Variants in NUDT3 observed in about 807,000 individuals in gnomAD.
NUDT3 encodes diphosphoinositol polyphosphate phosphohydrolase 1.
NUDT3 carries 9 observed loss-of-function variants against 23.6 expected under a neutral mutation model. The ratio of observed to expected loss-of-function variants is 0.38; its 90% CI spans 0.23 to 0.66. The LOEUF (loss-of-function observed/expected upper bound fraction) is 0.66. NUDT3 is among the 30% of genes least tolerant of loss of function. The pLI, the probability that NUDT3 is intolerant of heterozygous loss-of-function variation, is 0.52. For synonymous variants in NUDT3, 86 were observed against 82.6 expected, an observed-to-expected ratio of 1.04 and a Z score of -0.22; for missense variants, 172 against 218.5, an observed-to-expected ratio of 0.79 and a Z score of 1.34.
intron 1 of NUDT3, among the ~76,000 whole-genome samples, chr6:34,389,164 G>T (rs944712737): frequency 2.6e-5 from 4 of 152,206 alleles, no homozygotes; most frequent in Admixed American, 2.6e-4. Flanking sequence ...CCTGTGGAGG[G>T]AGGGAACCTG....
rs1763325563 is a variant in NUDT3, at chr6:34,285,630, G to C, written c.*3123C>G. ...TGTCAGTGAAATATTCTGCAAACAGGGTAGCTTTTGTGCTTTCTTTTGATT... is the reference window on the plus strand; with the variant it reads ...TGTCAGTGAAATATTCTGCAAACAGCGTAGCTTTTGTGCTTTCTTTTGATT... On this transcript the variant is annotated 3_prime_UTR_variant, in exon 5 of 5. Coordinates refer to ENST00000607016, the MANE Select transcript of NUDT3 (RefSeq NM_006703.4). The C allele has an allele frequency of 6.6e-6, 1 of 152,156 alleles. No homozygotes were observed. The highest frequency in any genetic ancestry group is 2.4e-5 in the African/African-American group (1 of 41,426). The allele number at this position is 152,156 out of a possible 1,614,324, so 9.4% of individuals were successfully genotyped here.
chr6:34,324,747 G>C (rs1273502953), intron 2 of NUDT3, among the ~76,000 whole-genome samples: 1 of 152,128 alleles, frequency 6.6e-6, no homozygotes, highest in Non-Finnish European at 1.5e-5. Flanking sequence ...GAATGACAGA[G>C]CCACTAAAAA....
chr6:34,293,664 G>C, intron 3 of NUDT3, 129 bp from the exon 4 acceptor site: 1 of 1,056,002 alleles, frequency 9.5e-7, no homozygotes. Context: ...TACTTTTTAT[G>C]GTCCTACAGT....
chr6:34,319,535 T>C (rs77190418), intron 2 of NUDT3, among the ~76,000 whole-genome samples: 14,569 of 152,240 alleles, frequency 0.096, 801 homozygotes, highest in Non-Finnish European at 0.12. Flanking sequence ...GGGTGTGCTG[T>C]TCTCTAGGAA....
At chr6:34,310,648 C>A (rs576973269) in intron 2 of NUDT3, among the ~76,000 whole-genome samples, 1 of 152,190 alleles carries the variant, frequency 6.6e-6, no homozygotes. Flanking sequence ...TACACCAATT[C>A]TCTACAATTT....
At chr6:34,382,438 A>G (rs1765035804) in intron 1 of NUDT3, among the ~76,000 whole-genome samples, 1 of 152,050 alleles carries the variant, frequency 6.6e-6, no homozygotes. Context: ...GTATAAGCAC[A>G]ATGTAACTTC....
At chr6:34,348,581 T>C (rs989709442) in intron 1 of NUDT3, among the ~76,000 whole-genome samples, 3 of 151,720 alleles carry the variant, frequency 2.0e-5, no homozygotes, top group African/African-American at 7.3e-5. Context: ...ATCGAGACCA[T>C]CCTGGCTAAC....
chr6:34,381,811 A>G (rs989817910), intron 1 of NUDT3, among the ~76,000 whole-genome samples: 5 of 152,226 alleles, frequency 3.3e-5, no homozygotes, highest in African/African-American at 1.2e-4. Flanking sequence ...ACGGTGGCTC[A>G]CACCTGTAAT....
At position 34,281,660 on chromosome 6, in the gene NUDT3, G is replaced by A. The variant is rs975580315; in HGVS notation, c.*7093C>T. 1 of 152,194 alleles carries A rather than the reference G, an allele frequency of 6.6e-6. No homozygotes were observed. Among genetic ancestry groups the A allele is most frequent in the Non-Finnish European group, 1.5e-5 (1 of 68,040 alleles). 9.4% of individuals were successfully genotyped at this position (152,194 alleles called of 1,614,324 possible). ...TTTCTAACTACTAATGCAACACCAT[G>A]CCACTGGGCCCTGGACTCTGATGTT... On this transcript the variant is annotated 3_prime_UTR_variant, in exon 5 of 5. Transcript: ENST00000607016.
At chr6:34,312,941 T>C (rs561886406) in intron 2 of NUDT3, among the ~76,000 whole-genome samples, 2 of 151,780 alleles carry the variant, frequency 1.3e-5, no homozygotes, top group Non-Finnish European at 2.9e-5. Context: ...CTGAGGTGGG[T>C]GGATCACCTG....
At position 34,354,367 on chromosome 6, in the gene NUDT3, G is replaced by A. The variant is rs1415136863; in HGVS notation, c.100-12395C>T. ...TCCTATGAACAGCCATTGCACTCCA[G>A]CTGGGCAGTATAGTGAGATTTCATT... is the stretch of plus-strand genomic sequence containing the variant. On this transcript the variant is annotated intron_variant, in intron 1 of 4. Coordinates refer to ENST00000607016, the MANE Select transcript of NUDT3 (RefSeq NM_006703.4). Among the ~76,000 whole-genome samples the A allele has an allele frequency of 2.7e-5, 4 of 149,484 alleles. No individual in the cohort carries two copies. In the East Asian group the frequency reaches 7.8e-4, roughly 29 times the overall value.
chr6:34,384,239 G>C (rs1005491288), intron 1 of NUDT3, among the ~76,000 whole-genome samples: 18 of 152,204 alleles, frequency 1.2e-4, no homozygotes, highest in Admixed American at 1.0e-3. Flanking sequence ...TGAAGGATCT[G>C]AGAAAATGTG....
At chr6:34,343,386 CAA>C (rs571227862) in intron 1 of NUDT3, among the ~76,000 whole-genome samples, 20 of 71,226 alleles carry the variant, frequency 2.8e-4, no homozygotes, top group Admixed American at 4.8e-4. Flanking sequence ...CTCGTCTCTA[CAA>C]AAAAAAAAAA....
At chr6:34,316,753 C>T (rs1337684747) in intron 2 of NUDT3, among the ~76,000 whole-genome samples, 1 of 152,106 alleles carries the variant, frequency 6.6e-6, no homozygotes, top group Non-Finnish European at 1.5e-5. Flanking sequence ...AAGGGGGCTA[C>T]CAGTATTGCT....
At chr6:34,314,859 T>A (rs572669122) in intron 2 of NUDT3, among the ~76,000 whole-genome samples, 1 of 152,188 alleles carries the variant, frequency 6.6e-6, no homozygotes, top group Non-Finnish European at 1.5e-5. Flanking sequence ...TATTATATCA[T>A]GATATCTATG....
chr6:34,299,602 T>A (rs1763567442), intron 2 of NUDT3, among the ~76,000 whole-genome samples: 1 of 68,050 alleles, frequency 1.5e-5, no homozygotes, highest in South Asian at 4.9e-4. Context: ...TTTCTTGAAT[T>A]TTTTTTTTTT....
intron 1 of NUDT3, among the ~76,000 whole-genome samples, chr6:34,347,665 C>T (rs1488740673): frequency 6.6e-6 from 1 of 152,070 alleles, no homozygotes; most frequent in African/African-American, 2.4e-5. Flanking sequence ...TTATTTCTTA[C>T]AAATTGTTGT....
chr6:34,341,840 G>A (rs202144305), intron 2 of NUDT3, 22 bp downstream of exon 2: 1 of 1,607,590 alleles, frequency 6.2e-7, no homozygotes, highest in Admixed American at 1.7e-5. Flanking sequence ...GCACAGCTGT[G>A]CCCTCTCTTC....
Position 34,293,468 on chromosome 6 carries a change from T to G in NUDT3, c.323A>C (p.Glu108Ala). ...TGGCTTACCAATGTTAACTGAATCT[T>G]CCCAGTCTTCCAGCACTTCAGTGAC... ...LIVTEVLEDW[E>A]DSVNIGRKRE... The change falls in exon 4 of 5, where the codon GAA (glutamate) becomes GCA (alanine). Residue 108 changes from glutamate to alanine, a missense_variant. Coordinates refer to ENST00000607016, the MANE Select transcript of NUDT3 (RefSeq NM_006703.4). 1 of 1,614,190 alleles carries G rather than the reference T, an allele frequency of 6.2e-7. No individual in the cohort carries two copies. Among genetic ancestry groups the G allele is most frequent in the Non-Finnish European group, 8.5e-7 (1 of 1,180,016 alleles).
Sources: allele counts gnomAD v4.1 joint callset (sites outside exome capture counted in the v4.1 genomes callset), GRCh38; gene constraint gnomAD v4.1.1; transcripts MANE v1.5; gene names NCBI Gene and HGNC (gene_info 2026-07-23, HGNC 2026-07-21).